RILPL2: variants seen among roughly 807,000 people sequenced by gnomAD.
RILPL2 encodes Rab interacting lysosomal protein like 2.
In RILPL2, 19 loss-of-function variants were observed where a neutral mutation model predicts 22.2. The observed-to-expected ratio is 0.86, with a 90% CI of 0.60 to 1.25. RILPL2 has a LOEUF of 1.25. RILPL2 is among the 50% of genes most tolerant of loss of function. The pLI, the probability that RILPL2 is intolerant of heterozygous loss-of-function variation, is 0.00. For missense variants in RILPL2, 243 were observed against 263.6 expected (o/e 0.92, Z 0.54); for synonymous variants, 123 against 111.6 (o/e 1.10, Z -0.64).
intron 2 of RILPL2, among the ~76,000 whole-genome samples, chr12:123,430,148 G>A (rs1258815916): frequency 7.6e-6 from 1 of 131,718 alleles, no homozygotes; most frequent in African/African-American, 2.9e-5. Flanking sequence ...GGTGGCTCAT[G>A]CCTGTAATCC....
intron 2 of RILPL2, among the ~76,000 whole-genome samples, chr12:123,425,733 T>G (rs1879427045): frequency 6.7e-6 from 1 of 149,800 alleles, no homozygotes; most frequent in Non-Finnish European, 1.5e-5. Flanking sequence ...CACTGCAACC[T>G]CCACCTCCCT....
intron 2 of RILPL2, among the ~76,000 whole-genome samples, chr12:123,429,042 T>G (rs1879520958): frequency 6.6e-6 from 1 of 152,174 alleles, no homozygotes; most frequent in Non-Finnish European, 1.5e-5. Flanking sequence ...CAAATGGAAA[T>G]AGCTACGAGT....
At chr12:123,409,714 C>CTTTTTTTTT in the RILPL2 span, among the ~76,000 whole-genome samples, 4 of 90,584 alleles carry the variant, frequency 4.4e-5, no homozygotes, top group African/African-American at 1.6e-4. Flanking sequence ...CACACCTGGC[C>CTTTTTTTTT]TTTTTTTTTT....
At chr12:123,426,648 T>G (rs1288202856) in intron 2 of RILPL2, among the ~76,000 whole-genome samples, 1 of 152,212 alleles carries the variant, frequency 6.6e-6, no homozygotes, top group Non-Finnish European at 1.5e-5. Flanking sequence ...TCGCCCAGGC[T>G]GGAGTGCAGT....
intron 2 of RILPL2, among the ~76,000 whole-genome samples, chr12:123,425,145 C>T (rs1421731414): frequency 6.6e-6 from 1 of 151,658 alleles, no homozygotes; most frequent in African/African-American, 2.4e-5. Flanking sequence ...TCCCAAAGTG[C>T]TGTACAGGCA....
chr12:123,432,195 C>T (rs1448766193), intron 1 of RILPL2, among the ~76,000 whole-genome samples: 1 of 152,078 alleles, frequency 6.6e-6, no homozygotes, highest in African/African-American at 2.4e-5. Context: ...CCACGCCCAG[C>T]TTTACTACAA....
chr12:123,420,349 C>T (rs1004128678), intron 3 of RILPL2, among the ~76,000 whole-genome samples: 6 of 151,676 alleles, frequency 4.0e-5, no homozygotes, highest in African/African-American at 1.2e-4. Flanking sequence ...CCATGTTGGC[C>T]AGGATGATCT....
chr12:123,411,025 CTTA>C (rs1205236654), downstream of RILPL2: 1 of 151,622 alleles, frequency 6.6e-6, no homozygotes, highest in African/African-American at 2.4e-5. Context: ...CTGTGCCTGA[CTTA>C]TTTTTATTTA....
chr12:123,412,523 CTT>C (rs1452314533), downstream of RILPL2: 2 of 152,192 alleles, frequency 1.3e-5, no homozygotes, highest in African/African-American at 4.8e-5. Context: ...GGACTAGACT[CTT>C]AAACACTACC....
intron 3 of RILPL2, among the ~76,000 whole-genome samples, chr12:123,418,761 T>C (rs57801345): frequency 0.065 from 9,190 of 142,366 alleles, 429 homozygotes; most frequent in East Asian, 0.24. Flanking sequence ...TCTTTCTTTT[T>C]TTTTTTTTTT....
At chr12:123,421,671 C>CTTT (rs561071129) in intron 3 of RILPL2, among the ~76,000 whole-genome samples, 57 of 135,778 alleles carry the variant, frequency 4.2e-4, no homozygotes, top group Non-Finnish European at 5.8e-4. Flanking sequence ...TGGGTTATTC[C>CTTT]TTTTTTTTTT....
Position 123,430,534 on chromosome 12 carries a change from C to T in RILPL2, c.465G>A (p.Val155=), listed in dbSNP as rs777800206. ...TCTTGTAGCACTGCAGCTCTTCCTG[C>T]ACCACCAGGAGCTGCGACTTGAGTT... The part of the protein sequence containing the change: ...RNKLKSQLLV[V]QEELQCYKSG... The change falls in exon 2 of 4, where the codon GTG becomes GTA. Residue 155 remains valine, a synonymous_variant. Transcript: ENST00000280571. 7 of 1,608,018 alleles carry T rather than the reference C, an allele frequency of 4.4e-6. No homozygotes were observed. The highest frequency in any genetic ancestry group is 3.3e-5 in the Admixed American group (2 of 59,750).
chr12:123,416,172 A>AC (rs1879112106), intron 3 of RILPL2, among the ~76,000 whole-genome samples: 1 of 151,702 alleles, frequency 6.6e-6, no homozygotes, highest in Non-Finnish European at 1.5e-5. Context: ...AAAAAAAAAA[A>AC]AATTAACCAG....
At chr12:123,418,039 G>A (rs1215937175) in intron 3 of RILPL2, among the ~76,000 whole-genome samples, 1 of 152,112 alleles carries the variant, frequency 6.6e-6, no homozygotes, top group Non-Finnish European at 1.5e-5. Flanking sequence ...GACCTCTTGT[G>A]CTCAAGAGAT....
chr12:123,435,966 A>G, intron 1 of RILPL2, 116 bp downstream of exon 1: 7 of 1,400,664 alleles, frequency 5.0e-6, no homozygotes, highest in Non-Finnish European at 6.6e-6. Context: ...CATCTCTTAA[A>G]AAAAGAAAAA....
intron 3 of RILPL2, among the ~76,000 whole-genome samples, chr12:123,418,756 CTTTTTTTTTTTT>C (rs1202023726): frequency 8.3e-5 from 8 of 96,240 alleles, no homozygotes; most frequent in African/African-American, 1.9e-4. Context: ...CTTTTTCTTT[CTTTTTTTTTTTT>C]TTTTTTTTTT....
chr12:123,420,776 T>G (rs1317270015), intron 3 of RILPL2, among the ~76,000 whole-genome samples: 2 of 152,154 alleles, frequency 1.3e-5, no homozygotes, highest in Non-Finnish European at 2.9e-5. Context: ...CATCACCATG[T>G]GCAGCAGGAA....
chr12:123,422,612 C>T (rs1879318512), intron 3 of RILPL2, among the ~76,000 whole-genome samples: 1 of 152,156 alleles, frequency 6.6e-6, no homozygotes, highest in South Asian at 2.1e-4. Flanking sequence ...AATCTCTTGC[C>T]TCAGCCTCCT....
chr12:123,419,174 C>G (rs1313155862), intron 3 of RILPL2, among the ~76,000 whole-genome samples: 1 of 151,564 alleles, frequency 6.6e-6, no homozygotes, highest in Non-Finnish European at 1.5e-5. Flanking sequence ...CCATGCCCGG[C>G]TAATTTTTTG....
Sources: gnomAD v4.1 joint callset for allele counts (sites outside exome capture counted in the v4.1 genomes callset) on GRCh38, gnomAD v4.1.1 for gene constraint, MANE v1.5 for transcripts, NCBI Gene and HGNC (gene_info 2026-07-23, HGNC 2026-07-21) for gene names.